The following GALNTL6 variants were observed in gnomAD, a reference collection of about 807,000 sequenced individuals.
GALNTL6 encodes polypeptide N-acetylgalactosaminyltransferase like 6.
GALNTL6 carries 46 observed loss-of-function variants against 73.7 expected under a neutral mutation model. That is an observed-to-expected ratio of 0.62 (90% CI 0.49 to 0.80). The LOEUF is 0.80. Among genes scored for constraint, GALNTL6 ranks in the 30% least tolerant of loss-of-function variants. The pLI is 0.00. For synonymous variants in GALNTL6, 259 were observed against 263.7 expected, an observed-to-expected ratio of 0.98 and a Z score of 0.17; for missense variants, 604 against 755.0, an observed-to-expected ratio of 0.80 and a Z score of 2.34.
intron 5 of GALNTL6, among the ~76,000 whole-genome samples, chr4:172,736,407 C>T (rs147830280): frequency 4.2e-4 from 64 of 152,344 alleles, no homozygotes; most frequent in Middle Eastern, 3.4e-3. Context: ...TTCTGCCCAG[C>T]CCCACAGGCA....
intron 5 of GALNTL6, among the ~76,000 whole-genome samples, chr4:172,635,047 A>G (rs1357944214): frequency 6.6e-6 from 1 of 152,194 alleles, no homozygotes; most frequent in Non-Finnish European, 1.5e-5. Context: ...GAGGACTGCA[A>G]ACTACTCAAA....
chr4:173,031,930 T>C (rs985911731), intron 12 of GALNTL6, among the ~76,000 whole-genome samples: 1 of 152,152 alleles, frequency 6.6e-6, no homozygotes, highest in Non-Finnish European at 1.5e-5. Context: ...TCTGACAAAC[T>C]AACTTCTAAA....
chr4:172,879,304 C>A (rs927620208), intron 7 of GALNTL6, among the ~76,000 whole-genome samples: 1 of 151,740 alleles, frequency 6.6e-6, no homozygotes, highest in African/African-American at 2.4e-5. Flanking sequence ...GAACACTGTA[C>A]CCAACAGGAA....
intron 5 of GALNTL6, among the ~76,000 whole-genome samples, chr4:172,702,821 T>G (rs1336866874): frequency 7.6e-6 from 1 of 131,454 alleles, no homozygotes; most frequent in Non-Finnish European, 1.7e-5. Flanking sequence ...TAAGACACTT[T>G]ATAGTTTTTT....
intron 2 of GALNTL6, among the ~76,000 whole-genome samples, chr4:172,034,604 G>A (rs1741879392): frequency 6.6e-6 from 1 of 152,034 alleles, no homozygotes; most frequent in South Asian, 2.1e-4. Context: ...AGTAATATGA[G>A]TACACAAACT....
intron 5 of GALNTL6, among the ~76,000 whole-genome samples, chr4:172,647,635 A>C (rs921694071): frequency 2.0e-5 from 3 of 152,114 alleles, no homozygotes; most frequent in African/African-American, 7.2e-5. Flanking sequence ...TAGTTCTGCT[A>C]TTTAACTTTG....
chr4:172,501,427 C>G (rs1734257548), intron 5 of GALNTL6, among the ~76,000 whole-genome samples: 1 of 151,804 alleles, frequency 6.6e-6, no homozygotes, highest in South Asian at 2.1e-4. Flanking sequence ...TAAAATGGAC[C>G]CCCAAATCTT....
intron 5 of GALNTL6, among the ~76,000 whole-genome samples, chr4:172,493,835 A>C (rs1733974408): frequency 1.3e-5 from 2 of 152,178 alleles, no homozygotes; most frequent in African/African-American, 2.4e-5. Context: ...TGAGTCCTCA[A>C]TTAAAATTCA....
At chr4:172,099,303 G>C (rs1468637601) in intron 2 of GALNTL6, among the ~76,000 whole-genome samples, 1 of 151,952 alleles carries the variant, frequency 6.6e-6, no homozygotes, top group African/African-American at 2.4e-5. Context: ...ATATGAGGGA[G>C]CTTCACAAGG....
chr4:172,061,943 C>T (rs1731212718), intron 2 of GALNTL6, among the ~76,000 whole-genome samples: 1 of 121,098 alleles, frequency 8.3e-6, no homozygotes, highest in African/African-American at 3.0e-5. Flanking sequence ...TATTTTTATC[C>T]ACTTTTTTTT....
rs555609762 is a variant in GALNTL6, at chr4:171,958,574, C to T, written c.138+143856C>T. Among the ~76,000 whole-genome samples, 5 of 152,090 alleles carry T rather than the reference C, an allele frequency of 3.3e-5. No individual in the cohort carries two copies. The South Asian group carries it at 6.2e-4, about 19-fold the overall frequency. On this transcript the variant is annotated intron_variant, in intron 2 of 12. Transcript: ENST00000506823. Reference sequence around the variant, plus strand: ...TGTTATCAGATAAATGAATTTTGTACAATTTCAATGGTCACAATTCACTGT... The same window carrying T: ...TGTTATCAGATAAATGAATTTTGTATAATTTCAATGGTCACAATTCACTGT...
intron 2 of GALNTL6, among the ~76,000 whole-genome samples, chr4:171,973,527 C>T (rs751660138): frequency 3.3e-5 from 5 of 152,082 alleles, no homozygotes; most frequent in Non-Finnish European, 7.4e-5. Flanking sequence ...CTGTCTGTGT[C>T]CAAATTTTTC....
chr4:172,545,560 C>T (rs958002366), intron 5 of GALNTL6: 2 of 152,218 alleles, frequency 1.3e-5, no homozygotes, highest in African/African-American at 2.4e-5. Context: ...AATGGCAAGC[C>T]TTCTAAAATT....
chr4:172,535,044 C>T (rs948589555), intron 5 of GALNTL6, among the ~76,000 whole-genome samples: 6 of 152,086 alleles, frequency 3.9e-5, no homozygotes, highest in African/African-American at 1.2e-4. Context: ...GAGCTAAACA[C>T]GACATTCAAG....
intron 5 of GALNTL6, among the ~76,000 whole-genome samples, chr4:172,749,272 G>A (rs983417076): frequency 2.0e-5 from 3 of 151,790 alleles, no homozygotes; most frequent in South Asian, 2.1e-4. Flanking sequence ...CCATACCTAC[G>A]ATATCCTTAT....
intron 5 of GALNTL6, among the ~76,000 whole-genome samples, chr4:172,478,035 G>C (rs537286242): frequency 6.6e-6 from 1 of 152,280 alleles, no homozygotes; most frequent in East Asian, 1.9e-4. Context: ...CTTTGTACCT[G>C]TGGAGTTCAT....
chr4:172,120,252 G>A (rs992880922), intron 2 of GALNTL6, among the ~76,000 whole-genome samples: 6 of 152,116 alleles, frequency 3.9e-5, no homozygotes, highest in African/African-American at 1.4e-4. Context: ...CACAAACTTA[G>A]GAGCTTCAAA....
chr4:172,139,092 C>G (rs1733734655), intron 2 of GALNTL6, among the ~76,000 whole-genome samples: 1 of 152,086 alleles, frequency 6.6e-6, no homozygotes, highest in South Asian at 2.1e-4. Context: ...TTAGTGGGAA[C>G]TAGCTTGATG....
Position 172,847,492 on chromosome 4 carries a change from TTA to T in GALNTL6, c.923+33779_923+33780del, listed in dbSNP as rs999821354. On this transcript the variant is annotated intron_variant, in intron 7 of 12. Coordinates refer to ENST00000506823, the MANE Select transcript of GALNTL6 (RefSeq NM_001034845.3). ...TCTGTGTATGCTTGTGTGTATATGT[TTA>T]TATATATATTTATTATTATTTTATT... 2.6e-5 allele frequency among the ~76,000 whole-genome samples: 4 copies of T among 151,952 alleles called. No individual in the cohort carries two copies. In the East Asian group the frequency reaches 5.8e-4, roughly 22 times the overall value.
Sources: gnomAD v4.1 joint callset for allele counts (sites outside exome capture counted in the v4.1 genomes callset) on GRCh38, gnomAD v4.1.1 for gene constraint, MANE v1.5 for transcripts, NCBI Gene and HGNC (gene_info 2026-07-23, HGNC 2026-07-21) for gene names.